TACR1: variants seen among roughly 807,000 people sequenced by gnomAD.
TACR1 encodes substance-P receptor.
A neutral mutation model predicts 35.8 loss-of-function variants in TACR1; 25 were observed. The ratio of observed to expected loss-of-function variants is 0.70; its 90% CI spans 0.51 to 0.98. The LOEUF is 0.98. TACR1 is among the 50% of genes least tolerant of loss of function. The pLI, the probability that TACR1 is intolerant of heterozygous loss-of-function variation, is 0.00. For synonymous variants in TACR1, 195 were observed against 206.7 expected, an observed-to-expected ratio of 0.94 and a Z score of 0.48; for missense variants, 478 against 522.9, an observed-to-expected ratio of 0.91 and a Z score of 0.84.
intron 2 of TACR1, among the ~76,000 whole-genome samples, chr2:75,060,799 G>A (rs1455224349): frequency 2.0e-5 from 3 of 152,150 alleles, no homozygotes; most frequent in East Asian, 1.9e-4. Flanking sequence ...AAGTGGCGCT[G>A]GCCTGAGTGA....
intron 1 of TACR1, among the ~76,000 whole-genome samples, chr2:75,176,131 C>T (rs1247556455): frequency 2.6e-5 from 4 of 151,776 alleles, no homozygotes; most frequent in Non-Finnish European, 5.9e-5. Context: ...GATTCATCCT[C>T]TATCCTAATG....
intron 1 of TACR1, chr2:75,188,340 T>C (rs1254603087): frequency 2.6e-5 from 4 of 152,232 alleles, no homozygotes; most frequent in Non-Finnish European, 5.9e-5. Flanking sequence ...TATTTAAGCT[T>C]ATGCTCCTAA....
rs1672400371 is a variant in TACR1 at position 75,048,444 on chromosome 2, A to G, written c.*988T>C. Reference sequence around the variant, plus strand: ...ACCTTCCATGAGAAGGAATGTACTCAGGATTTTAAGATAAATCGGAGAATG... The same window carrying G: ...ACCTTCCATGAGAAGGAATGTACTCGGGATTTTAAGATAAATCGGAGAATG... On this transcript the variant is annotated 3_prime_UTR_variant, in exon 5 of 5. Coordinates refer to ENST00000305249, the MANE Select transcript of TACR1 (RefSeq NM_001058.4). 1 of 152,252 alleles carries G rather than the reference A, an allele frequency of 6.6e-6. No homozygotes were observed. Among genetic ancestry groups the G allele is most frequent in the Non-Finnish European group, 1.5e-5 (1 of 68,046 alleles). 9.4% of individuals were successfully genotyped at this position (152,252 alleles called of 1,614,324 possible).
At chr2:75,154,522 ACACACTCT>A (rs1558572651) in intron 1 of TACR1, 1 of 145,900 alleles carries the variant, frequency 6.9e-6, no homozygotes, top group African/African-American at 2.6e-5. Context: ...ACACACACAC[ACACACTCT>A]CTGAAGAAAC....
chr2:75,177,595 G>C (rs1358844285), intron 1 of TACR1, among the ~76,000 whole-genome samples: 1 of 152,044 alleles, frequency 6.6e-6, no homozygotes, highest in African/African-American at 2.4e-5. Flanking sequence ...CCCATTGATT[G>C]CACCACTTTT....
intron 1 of TACR1, among the ~76,000 whole-genome samples, chr2:75,131,111 GAC>G (rs1674168819): frequency 6.7e-6 from 1 of 148,672 alleles, no homozygotes; most frequent in Admixed American, 6.7e-5. Flanking sequence ...TTTTTTTTGA[GAC>G]AGAGTCTCTC....
chr2:75,083,411 T>C (rs1673130472), intron 2 of TACR1, among the ~76,000 whole-genome samples: 1 of 152,188 alleles, frequency 6.6e-6, no homozygotes, highest in African/African-American at 2.4e-5. Context: ...CAATGTGGGC[T>C]CTTTTTTGGT....
At chr2:75,064,493 G>C (rs1672728879) in intron 2 of TACR1, among the ~76,000 whole-genome samples, 1 of 152,162 alleles carries the variant, frequency 6.6e-6, no homozygotes, top group Non-Finnish European at 1.5e-5. Flanking sequence ...AAATTGATCT[G>C]TGTGGGGAAA....
rs909932992 is a variant in TACR1 at position 75,049,424 on chromosome 2, C to T, written c.*8G>A. The T allele has an allele frequency of 1.2e-6, 2 of 1,606,224 alleles. No homozygotes were observed. Among genetic ancestry groups the T allele is most frequent in the Non-Finnish European group, 1.7e-6 (2 of 1,173,660 alleles). Reference sequence around the variant, plus strand: ...AGTGGGGGCTGCACCTGCCAAAGGCCCTGTGGCCTAGGAGAGCACATTGGA... The same window carrying T: ...AGTGGGGGCTGCACCTGCCAAAGGCTCTGTGGCCTAGGAGAGCACATTGGA... On this transcript the variant is annotated 3_prime_UTR_variant, in exon 5 of 5. Coordinates refer to ENST00000305249, the MANE Select transcript of TACR1 (RefSeq NM_001058.4).
chr2:75,159,047 T>C (rs552035372), intron 1 of TACR1, among the ~76,000 whole-genome samples: 28 of 109,186 alleles, frequency 2.6e-4, no homozygotes, highest in Non-Finnish European at 5.1e-4. Context: ...TTTTTATTGG[T>C]ACCTTTTTTT....
chr2:75,150,430 C>A (rs1674645056), intron 1 of TACR1, among the ~76,000 whole-genome samples: 1 of 152,072 alleles, frequency 6.6e-6, no homozygotes, highest in Non-Finnish European at 1.5e-5. Context: ...CCTGTCTTTC[C>A]CATGCTTTTC....
intron 1 of TACR1, among the ~76,000 whole-genome samples, chr2:75,132,329 C>T (rs765632367): frequency 2.0e-5 from 3 of 152,114 alleles, no homozygotes; most frequent in Non-Finnish European, 4.4e-5. Flanking sequence ...GTGCTGCATT[C>T]TGGTTAATTT....
chr2:75,069,903 T>C (rs1380306011), intron 2 of TACR1, among the ~76,000 whole-genome samples: 1 of 152,212 alleles, frequency 6.6e-6, no homozygotes, highest in African/African-American at 2.4e-5. Context: ...GAAGACACTC[T>C]TTTTTCTTTC....
intron 1 of TACR1, chr2:75,189,176 GA>G: frequency 6.6e-6 from 1 of 152,286 alleles, no homozygotes; most frequent in Non-Finnish European, 1.5e-5. Flanking sequence ...GATTTCAGTG[GA>G]AAAAGCATGA....
At chr2:75,121,937 T>C (rs1673978253) in intron 1 of TACR1, among the ~76,000 whole-genome samples, 1 of 152,172 alleles carries the variant, frequency 6.6e-6, no homozygotes, top group African/African-American at 2.4e-5. Flanking sequence ...CATAATTCTT[T>C]TACTGTATTC....
intron 1 of TACR1, among the ~76,000 whole-genome samples, chr2:75,143,715 A>C (rs1200134267): frequency 6.6e-6 from 1 of 152,240 alleles, no homozygotes; most frequent in Non-Finnish European, 1.5e-5. Flanking sequence ...GCAAATTGGC[A>C]AAAACCGCAA....
intron 2 of TACR1, among the ~76,000 whole-genome samples, chr2:75,119,908 T>A (rs1673932740): frequency 6.6e-6 from 1 of 152,120 alleles, no homozygotes; most frequent in East Asian, 1.9e-4. Flanking sequence ...ATAGGGAAGA[T>A]GCAGTGGCCA....
intron 1 of TACR1, among the ~76,000 whole-genome samples, chr2:75,144,390 A>AT (rs1674465189): frequency 6.6e-6 from 1 of 152,194 alleles, no homozygotes; most frequent in African/African-American, 2.4e-5. Context: ...ATGTTGCCAC[A>AT]AACTGAAGCT....
At chr2:75,080,626 C>T (rs979220111) in intron 2 of TACR1, among the ~76,000 whole-genome samples, 1 of 152,238 alleles carries the variant, frequency 6.6e-6, no homozygotes, top group East Asian at 1.9e-4. Context: ...AAGATCAGAG[C>T]CTTCATTCAA....
Sources: allele counts gnomAD v4.1 joint callset (sites outside exome capture counted in the v4.1 genomes callset), GRCh38; gene constraint gnomAD v4.1.1; transcripts MANE v1.5; gene names NCBI Gene and HGNC (gene_info 2026-07-23, HGNC 2026-07-21).